ACBD3: variants seen among roughly 807,000 people sequenced by gnomAD.
ACBD3 encodes Golgi resident protein GCP60.
A neutral mutation model predicts 66.9 loss-of-function variants in ACBD3; 30 were observed. The ratio of observed to expected loss-of-function variants is 0.45; its 90% CI spans 0.34 to 0.61. ACBD3 has a LOEUF of 0.61. Among genes scored for constraint, ACBD3 ranks in the 20% least tolerant of loss-of-function variants. The pLI, the probability that ACBD3 is intolerant of heterozygous loss-of-function variation, is 0.02. For synonymous variants in ACBD3, 278 were observed against 259.8 expected (o/e 1.07, Z -0.68); for missense variants, 544 against 664.5 (o/e 0.82, Z 1.99).
intron 7 of ACBD3, among the ~76,000 whole-genome samples, chr1:226,149,475 C>T (rs1028427598): frequency 1.0e-4 from 15 of 150,276 alleles, no homozygotes; most frequent in African/African-American, 3.7e-4. Context: ...GATTCACCCA[C>T]CTCAGGCTCC....
chr1:226,175,778 C>A (rs1428920995), intron 1 of ACBD3, among the ~76,000 whole-genome samples: 4 of 152,064 alleles, frequency 2.6e-5, no homozygotes, highest in African/African-American at 7.2e-5. Flanking sequence ...AACAGGATGA[C>A]TATTTTTCAT....
chr1:226,167,152 AAAACTT>A (rs1659891927), intron 1 of ACBD3, among the ~76,000 whole-genome samples: 1 of 152,230 alleles, frequency 6.6e-6, no homozygotes, highest in Non-Finnish European at 1.5e-5. Flanking sequence ...AGAGAAAAGA[AAAACTT>A]AAAATAATTT....
intron 1 of ACBD3, among the ~76,000 whole-genome samples, chr1:226,178,455 G>C (rs1351671419): frequency 1.3e-5 from 2 of 151,056 alleles, no homozygotes; most frequent in Non-Finnish European, 2.9e-5. Flanking sequence ...GGCGCCTGTA[G>C]TCCCAGCTAC....
intron 1 of ACBD3, among the ~76,000 whole-genome samples, chr1:226,166,248 G>A (rs189959389): frequency 3.2e-4 from 48 of 150,654 alleles, no homozygotes; most frequent in East Asian, 3.2e-3. Flanking sequence ...CTTGACCTCC[G>A]GGACTCAAAT....
chr1:226,162,798 ATTT>A (rs1247600853), intron 3 of ACBD3, among the ~76,000 whole-genome samples: 3 of 139,754 alleles, frequency 2.1e-5, no homozygotes, highest in Non-Finnish European at 3.1e-5. Flanking sequence ...AACATGACCT[ATTT>A]TTTTTTTTTT....
rs1256970210 is a variant in ACBD3, at chr1:226,168,687, G to A, written c.287-2687C>T. On this transcript the variant is annotated intron_variant, in intron 1 of 7. Transcript: ENST00000366812. The stretch of plus-strand genomic sequence containing the variant: ...AACTCAAGTATTTACGATGATGCTG[G>A]CGTTAAACTAACCTACTGTGCTGCC... Among the ~76,000 whole-genome samples, 3 of 152,174 alleles carry A rather than the reference G, an allele frequency of 2.0e-5. No homozygotes were observed. In the East Asian group the frequency reaches 5.8e-4, roughly 29 times the overall value.
intron 1 of ACBD3, among the ~76,000 whole-genome samples, chr1:226,179,552 C>T (rs975949044): frequency 6.6e-6 from 1 of 152,096 alleles, no homozygotes; most frequent in African/African-American, 2.4e-5. Context: ...GATTAAAATC[C>T]ATCTTTTAGA....
At chr1:226,182,876 A>G (rs887193414) in intron 1 of ACBD3, among the ~76,000 whole-genome samples, 1 of 152,220 alleles carries the variant, frequency 6.6e-6, no homozygotes, top group Non-Finnish European at 1.5e-5. Flanking sequence ...ATTCATTTAT[A>G]GTTGTAACCT....
intron 5 of ACBD3, 126 bp downstream of exon 5, chr1:226,159,058 A>T: frequency 9.0e-7 from 1 of 1,106,146 alleles, no homozygotes. Flanking sequence ...AAGATCACCC[A>T]AAAGTTACTT....
chr1:226,163,044 G>T (rs1484880604), intron 3 of ACBD3, among the ~76,000 whole-genome samples: 4 of 151,734 alleles, frequency 2.6e-5, no homozygotes, highest in Non-Finnish European at 5.9e-5. Context: ...CAAGTGATCT[G>T]CCCGCCTCGT....
chr1:226,163,569 T>C (rs926136223), intron 3 of ACBD3, among the ~76,000 whole-genome samples: 4 of 152,188 alleles, frequency 2.6e-5, no homozygotes, highest in African/African-American at 7.2e-5. Context: ...TTATCTTAAA[T>C]AGGAATAAAT....
Position 226,182,642 on chromosome 1 carries a change from G to C in ACBD3, c.286+3748C>G, listed in dbSNP as rs995968562. Among the ~76,000 whole-genome samples the C allele has an allele frequency of 2.0e-5, 3 of 152,064 alleles. No homozygotes were observed. The South Asian group carries it at 6.2e-4, about 31-fold the overall frequency. ...AAAAAAAAATGACAATGGCATGCAAGTCCTTCCAAGAATTGAACTCAGTTA... is the reference window on the plus strand; with the variant it reads ...AAAAAAAAATGACAATGGCATGCAACTCCTTCCAAGAATTGAACTCAGTTA... On this transcript the variant is annotated intron_variant, in intron 1 of 7. Coordinates refer to ENST00000366812, the MANE Select transcript of ACBD3 (RefSeq NM_022735.4).
intron 5 of ACBD3, among the ~76,000 whole-genome samples, chr1:226,155,670 TTATTC>T (rs1659658308): frequency 6.6e-6 from 1 of 152,102 alleles, no homozygotes; most frequent in Non-Finnish European, 1.5e-5. Context: ...TATGGACAAT[TTATTC>T]TAACATAATT....
At chr1:226,166,178 C>G (rs1219665) in intron 1 of ACBD3, among the ~76,000 whole-genome samples, 178 bp from the exon 2 acceptor site, 15,504 of 152,036 alleles carry the variant, frequency 0.1, 903 homozygotes, top group South Asian at 0.19. Context: ...TATTTTTAGA[C>G]AGAGTCTCAC....
chr1:226,149,399 G>C lies in ACBD3; in HGVS notation c.1376-2578C>G, dbSNP rs535450322. Among the ~76,000 whole-genome samples, 618 of 151,408 alleles carry C rather than the reference G, an allele frequency of 4.1e-3. 3 individuals are homozygous for C. Among genetic ancestry groups the C allele is most frequent in the Middle Eastern group, 0.014 (4 of 294 alleles). On this transcript the variant is annotated intron_variant, in intron 7 of 7. Coordinates refer to ENST00000366812, the MANE Select transcript of ACBD3 (RefSeq NM_022735.4). ...GTGCCACCATGCCTGGCTAATTTTT[G>C]TACTTTTAGTAGAGATGGGGTTTCA...
rs147538215 is a variant in ACBD3 at position 226,161,618 on chromosome 1, C to T, written c.641G>A (p.Arg214His). ...AAGCCTTTCCTCTTCTTCTCTCCTA[C>T]GTTTCTCTTCCTCCTTTTGCAGACG... The part of the protein sequence containing the change: ...RERLQKEEEK[R>H]RREEEERLRR... The change falls in exon 4 of 8, where the codon CGT (arginine) becomes CAT (histidine). Residue 214 changes from arginine to histidine, a missense_variant. Around this residue, in one of 3 missense-constraint regions of ACBD3, gnomAD observed 383 missense variants for 462.4 expected, o/e 0.83. Transcript: ENST00000366812. 1.1e-4 allele frequency: 183 copies of T among 1,613,796 alleles called. No individual in the cohort carries two copies. Among genetic ancestry groups the T allele is most frequent in the Admixed American group, 2.5e-4 (15 of 59,958 alleles).
chr1:226,152,301 C>A, intron 7 of ACBD3, 34 bp downstream of exon 7: 1 of 1,606,598 alleles, frequency 6.2e-7, no homozygotes, highest in Non-Finnish European at 8.5e-7. Context: ...AACACACAAC[C>A]CAGCAGCTAC....
In ACBD3 at chr1:226,146,666, A is replaced by T; in HGVS notation, c.1531T>A (p.Ser511Thr). The T allele has an allele frequency of 1.9e-6, 3 of 1,613,988 alleles. No individual in the cohort carries two copies. Among genetic ancestry groups the T allele is most frequent in the Non-Finnish European group, 2.5e-6 (3 of 1,180,012 alleles). The change falls in exon 8 of 8, where the codon TCC becomes ACC. Residue 511 changes from serine (S) to threonine (T), a missense_variant. This residue lies in a region of ACBD3 where 383 missense variants were observed against 462.4 expected (regional missense o/e 0.83). Transcript: ENST00000366812. ...RGVYLLKFDNSYSLWRSKSVY... is the reference protein window; with the variant it reads ...RGVYLLKFDNTYSLWRSKSVY... ...GATTTTGACCGCCACAAAGAGTAGG[A>T]GTTGTCAAACTTGAGGAGATAGACT...
chr1:226,182,597 T>C (rs564977531), intron 1 of ACBD3, among the ~76,000 whole-genome samples: 4 of 151,826 alleles, frequency 2.6e-5, no homozygotes, highest in South Asian at 2.1e-4. Context: ...CTGGGTGACA[T>C]AGCAAGACTC....
Sources: gnomAD v4.1 joint callset for allele counts (sites outside exome capture counted in the v4.1 genomes callset) on GRCh38, gnomAD v4.1.1 for gene constraint, gnomAD v4.1.1 regional missense constraint, MANE v1.5 for transcripts, NCBI Gene and HGNC (gene_info 2026-07-23, HGNC 2026-07-21) for gene names.